Variants in PCDHA1 observed in about 807,000 individuals in gnomAD.
The protein encoded by PCDHA1 is protocadherin alpha 1.
A neutral mutation model predicts 61.3 loss-of-function variants in PCDHA1; 42 were observed. The ratio of observed to expected loss-of-function variants is 0.69; its 90% CI spans 0.54 to 0.89. PCDHA1 has a LOEUF of 0.89. Ranked by LOEUF, PCDHA1 falls within the 40% of genes least tolerant of loss-of-function variation. The pLI is 0.00. For synonymous variants in PCDHA1, 610 were observed against 553.8 expected, an observed-to-expected ratio of 1.10 and a Z score of -1.43; for missense variants, 1,256 against 1,235.3, an observed-to-expected ratio of 1.02 and a Z score of -0.25.
At position 140,834,227 on chromosome 5, in the gene PCDHA1, A is replaced by T. The variant is rs1772849510; in HGVS notation, c.2394+45543A>T. The T allele has an allele frequency of 4.2e-6, 3 of 708,588 alleles. No individual in the cohort carries two copies. In the Admixed American group the frequency reaches 8.9e-5, roughly 21 times the overall value. 43.9% of individuals were successfully genotyped at this position (708,588 alleles called of 1,614,324 possible). ...AATTCTTTCGTAATCAGCAAAAGGAAGTCATTCCTTTTCGCACTGGAAAGA... is the reference window on the plus strand; with the variant it reads ...AATTCTTTCGTAATCAGCAAAAGGATGTCATTCCTTTTCGCACTGGAAAGA... On this transcript the variant is annotated intron_variant, in intron 1 of 3. Transcript: ENST00000504120.
chr5:140,791,565 T>C (rs1554118687), intron 1 of PCDHA1, among the ~76,000 whole-genome samples: 1 of 135,066 alleles, frequency 7.4e-6, no homozygotes, highest in Admixed American at 7.7e-5. Context: ...ATGAACCAGA[T>C]AAATTTTAAG....
rs143469399 is a variant in PCDHA1 at position 140,850,397 on chromosome 5, G to T, written c.2394+61713G>T. On this transcript the variant is annotated intron_variant, in intron 1 of 3. Transcript: ENST00000504120. ...TGTACACGGGCGAGATCAGCACAAC[G>T]CGTGCCCTGGACGAAACGGACGCAC... 3.1e-6 allele frequency: 5 copies of T among 1,597,958 alleles called. No homozygotes were observed. The Admixed American group carries it at 6.8e-5, about 22-fold the overall frequency.
chr5:140,927,530 G>A (rs2084329100), intron 1 of PCDHA1: 2 of 1,614,080 alleles, frequency 1.2e-6, no homozygotes, highest in Non-Finnish European at 1.7e-6. Flanking sequence ...CTACCTGCCC[G>A]CTCAGGAGAC....
chr5:140,858,157 C>T (rs782793736), intron 1 of PCDHA1: 2 of 1,597,628 alleles, frequency 1.3e-6, no homozygotes, highest in Admixed American at 1.7e-5. Flanking sequence ...TCGCCATCTG[C>T]GCGGTGTCCA....
intron 1 of PCDHA1, chr5:140,857,539 G>T (rs782469087): frequency 6.3e-7 from 1 of 1,597,270 alleles, no homozygotes; most frequent in African/African-American, 1.3e-5. Flanking sequence ...TGGAGCGGCG[G>T]TTGGGCGAGC....
intron 1 of PCDHA1, among the ~76,000 whole-genome samples, chr5:140,919,795 A>T (rs1554199259): frequency 6.6e-6 from 1 of 152,070 alleles, no homozygotes; most frequent in Non-Finnish European, 1.5e-5. Flanking sequence ...CTTGTGGTGG[A>T]TTGAATTGTG....
chr5:140,836,144 G>C (rs2150253955), intron 1 of PCDHA1: 2 of 1,613,662 alleles, frequency 1.2e-6, no homozygotes, highest in Admixed American at 1.7e-5. Context: ...CTGTGGGCGC[G>C]GGCCATGTGG....
At chr5:140,967,072 C>T in intron 1 of PCDHA1, 1 of 1,613,106 alleles carries the variant, frequency 6.2e-7, no homozygotes, top group Non-Finnish European at 8.5e-7. Flanking sequence ...TCTTCGTCAA[C>T]GAGCGCATTG....
intron 1 of PCDHA1, among the ~76,000 whole-genome samples, chr5:140,806,756 G>C (rs1244483838): frequency 6.6e-6 from 1 of 152,118 alleles, no homozygotes; most frequent in African/African-American, 2.4e-5. Flanking sequence ...TGTATAGTTA[G>C]GTCTCTGTAA....
chr5:140,900,927 G>A (rs2068371563), intron 1 of PCDHA1, among the ~76,000 whole-genome samples: 2 of 152,056 alleles, frequency 1.3e-5, no homozygotes, highest in South Asian at 4.1e-4. Context: ...ATATCTCATT[G>A]TAGTTTTGAT....
chr5:140,795,439 G>T (rs1581614390), intron 1 of PCDHA1: 6 of 1,614,186 alleles, frequency 3.7e-6, no homozygotes, highest in Admixed American at 1.7e-5. Flanking sequence ...GGGAGCATCT[G>T]ATGCAGATAT....
intron 1 of PCDHA1, among the ~76,000 whole-genome samples, chr5:140,920,841 T>TAAA (rs781921146): frequency 2.7e-5 from 3 of 109,230 alleles, no homozygotes; most frequent in East Asian, 2.6e-4. Context: ...AGACCAAATC[T>TAAA]AAAAAAAAAA....
Position 140,787,409 on chromosome 5 carries a change from C to G in PCDHA1, c.1119C>G (p.Thr373=). The G allele has an allele frequency of 6.2e-7, 1 of 1,614,246 alleles. No homozygotes were observed. The highest frequency in any genetic ancestry group is 8.5e-7 in the Non-Finnish European group (1 of 1,180,038). Residue 373 remains threonine, a synonymous_variant, in exon 1 of 4, where the codon ACC becomes ACG. Coordinates refer to ENST00000504120, the MANE Select transcript of PCDHA1 (RefSeq NM_018900.4). ...TCAGCACCGTCATCGCCCTCATCAC[C>G]GTGTCTGACCGTGACTCAGGTGCCA... ...APLSTVIALI[T]VSDRDSGANG... is the part of the protein sequence containing the mutation.
At position 140,801,987 on chromosome 5, in the gene PCDHA1, G is replaced by C. The variant is rs782305894; in HGVS notation, c.2394+13303G>C. On this transcript the variant is annotated intron_variant, in intron 1 of 3. Coordinates refer to ENST00000504120, the MANE Select transcript of PCDHA1 (RefSeq NM_018900.4). ...ACCAAATGGTACCCTAGTGGTGACC[G>C]TTAACGCCACCGATTTGGATGAAGG... 9.9e-6 allele frequency: 16 copies of C among 1,614,224 alleles called. No individual in the cohort carries two copies. In the South Asian group the frequency reaches 1.8e-4, roughly 18 times the overall value.
chr5:140,872,448 G>A (rs1164382380), intron 1 of PCDHA1, among the ~76,000 whole-genome samples: 2 of 151,992 alleles, frequency 1.3e-5, no homozygotes, highest in South Asian at 2.1e-4. Flanking sequence ...ACAACATAGC[G>A]AGATCCTGTC....
intron 2 of PCDHA1, among the ~76,000 whole-genome samples, chr5:140,980,144 T>C (rs2096877989): frequency 6.6e-6 from 1 of 152,172 alleles, no homozygotes; most frequent in Admixed American, 6.6e-5. Flanking sequence ...GAAACATTCA[T>C]GCATATACCA....
intron 1 of PCDHA1, chr5:140,871,378 T>C: frequency 6.2e-7 from 1 of 1,614,188 alleles, no homozygotes; most frequent in South Asian, 1.1e-5. Context: ...GAGGGTGTGC[T>C]CTGAGGAGGG....
chr5:140,807,419 A>C lies in PCDHA1; in HGVS notation c.2394+18735A>C, dbSNP rs1226782734. On this transcript the variant is annotated intron_variant, in intron 1 of 3. Coordinates refer to ENST00000504120, the MANE Select transcript of PCDHA1 (RefSeq NM_018900.4). ...GGGCCGCGGAGGCCTTCTGGAGGTA[A>C]ATCTGCAGAATGGCATTTTGTTTGT... 2 of 1,591,556 alleles carry C rather than the reference A, an allele frequency of 1.3e-6. No homozygotes were observed. Among genetic ancestry groups the C allele is most frequent in the Non-Finnish European group, 1.7e-6 (2 of 1,171,160 alleles).
At chr5:140,823,221 C>T (rs1328701255) in intron 1 of PCDHA1, 4 of 1,613,612 alleles carry the variant, frequency 2.5e-6, no homozygotes, top group African/African-American at 1.3e-5. Flanking sequence ...GGGACGCGGA[C>T]GCGCAGGAGA....
Sources: gnomAD v4.1 joint callset for allele counts (sites outside exome capture counted in the v4.1 genomes callset) on GRCh38, gnomAD v4.1.1 for gene constraint, MANE v1.5 for transcripts, NCBI Gene and HGNC (gene_info 2026-07-23, HGNC 2026-07-21) for gene names.